SLC27A2: variants seen among roughly 807,000 people sequenced by gnomAD.
SLC27A2 encodes the protein solute carrier family 27 member 2.
In SLC27A2, 54 loss-of-function variants were observed where a neutral mutation model predicts 60.0. The observed-to-expected ratio is 0.90, with a 90% CI of 0.72 to 1.13. SLC27A2 has a LOEUF of 1.13. Among genes scored for constraint, SLC27A2 ranks in the 50% most tolerant of loss-of-function variants. The pLI is 0.00. For missense variants in SLC27A2, 739 were observed against 777.6 expected, an observed-to-expected ratio of 0.95 and a Z score of 0.59; for synonymous variants, 297 against 297.6, an observed-to-expected ratio of 1.00 and a Z score of 0.02.
At position 50,227,055 on chromosome 15, in the gene SLC27A2, C is replaced by T; in HGVS notation, c.1334C>T (p.Thr445Ile). 1 of 1,614,140 alleles carries T rather than the reference C, an allele frequency of 6.2e-7. No individual in the cohort carries two copies. The highest frequency in any genetic ancestry group is 8.5e-7 in the Non-Finnish European group (1 of 1,180,020). ...FNGYAGAKAQ[T>I]EKKKLRDVFK... ...GGCTATGCTGGAGCAAAGGCTCAGACAGAGAAGAAAAAACTGAGAGATGTC... is the reference window on the plus strand; with the variant it reads ...GGCTATGCTGGAGCAAAGGCTCAGATAGAGAAGAAAAAACTGAGAGATGTC... The change falls in exon 7 of 10, where the codon ACA becomes ATA. Residue 445 changes from threonine to isoleucine, a missense_variant. Coordinates refer to ENST00000267842, the MANE Select transcript of SLC27A2 (RefSeq NM_003645.4).
intron 4 of SLC27A2, among the ~76,000 whole-genome samples, chr15:50,221,646 T>C (rs903693777): frequency 2.6e-5 from 4 of 152,122 alleles, no homozygotes; most frequent in African/African-American, 9.7e-5. Flanking sequence ...TAAGAAATAA[T>C]ATAGAAAAAG....
rs776692922 is a variant in SLC27A2, at chr15:50,233,958, A to T, written c.1646A>T (p.Tyr549Phe). The T allele has an allele frequency of 1.9e-6, 3 of 1,612,922 alleles. No homozygotes were observed. Among genetic ancestry groups the T allele is most frequent in the South Asian group, 1.1e-5 (1 of 91,044 alleles). ...GKKLFQHIAD[Y>F]LPSYARPRFL... ...AAACTCTTTCAGCACATTGCTGATT[A>T]CCTACCTAGTTATGCAAGGCCCCGG... is the stretch of plus-strand genomic sequence containing the variant. Residue 549 changes from tyrosine (Y) to phenylalanine (F), a missense_variant, in exon 9 of 10, where the codon TAC (tyrosine) becomes TTC (phenylalanine). Coordinates refer to ENST00000267842, the MANE Select transcript of SLC27A2 (RefSeq NM_003645.4).
chr15:50,183,051 C>T, intron 1 of SLC27A2, 146 bp downstream of exon 1: 1 of 807,436 alleles, frequency 1.2e-6, no homozygotes, highest in Non-Finnish European at 2.0e-6. Flanking sequence ...TTCCTTGAAT[C>T]GCAAATAATG....
intron 1 of SLC27A2, among the ~76,000 whole-genome samples, chr15:50,195,333 AC>A: frequency 1.3e-5 from 2 of 151,242 alleles, no homozygotes; most frequent in African/African-American, 4.9e-5. Flanking sequence ...AAAAACAAAA[AC>A]AAACAAATTA....
In SLC27A2 at chr15:50,183,994, C is replaced by CTTTTTTTTTTTTTTTTTTTTTTTTTTTT. The variant is rs577766814; in HGVS notation, c.478+1107_478+1108insTTTTTTTTTTTTTTTTTTTTTTTTTTTT. Reference sequence around the variant, plus strand: ...TTCGAAGCCATGCTCTTTCCTACATCTTTTTTTTTTTTTTTTTTGACAGTC... The same window carrying CTTTTTTTTTTTTTTTTTTTTTTTTTTTT: ...TTCGAAGCCATGCTCTTTCCTACATCTTTTTTTTTTTTTTTTTTTTTTTTTTTTTTTTTTTTTTTTTTTTTTGACAGTC... On this transcript the variant is annotated intron_variant, in intron 1 of 9. Transcript: ENST00000267842. 3.3e-5 allele frequency among the ~76,000 whole-genome samples: 3 copies of CTTTTTTTTTTTTTTTTTTTTTTTTTTTT among 91,138 alleles called. 1 individual carries two copies. The highest frequency in any genetic ancestry group is 4.2e-5 in the Non-Finnish European group (2 of 47,468). The allele number at this position is 91,138 out of a possible 152,430, so 59.8% of individuals were successfully genotyped here.
intron 1 of SLC27A2, among the ~76,000 whole-genome samples, chr15:50,196,071 AAAAAAAATATATATATAT>A (rs2045016589): frequency 3.8e-5 from 1 of 26,530 alleles, no homozygotes; most frequent in East Asian, 9.3e-4. Context: ...AAAAAAAAAA[AAAAAAAATATATATATAT>A]ATATATATAT....
chr15:50,190,497 G>T (rs982879642), intron 1 of SLC27A2, among the ~76,000 whole-genome samples: 1 of 152,090 alleles, frequency 6.6e-6, no homozygotes, highest in Admixed American at 6.5e-5. Context: ...TTGGAAAGCT[G>T]CAGGTTTAGC....
At chr15:50,189,033 A>G (rs1450751005) in intron 1 of SLC27A2, among the ~76,000 whole-genome samples, 3 of 147,018 alleles carry the variant, frequency 2.0e-5, no homozygotes, top group East Asian at 4.0e-4. Flanking sequence ...ATAGATGCAT[A>G]CAAACATACA....
chr15:50,234,134 T>C (rs1318003051), intron 9 of SLC27A2, 136 bp downstream of exon 9: 5 of 859,980 alleles, frequency 5.8e-6, no homozygotes, highest in Middle Eastern at 2.4e-4. Flanking sequence ...CAGAAAAGTG[T>C]CATAGACCAA....
chr15:50,234,607 A>AAC (rs1403418038), intron 9 of SLC27A2, among the ~76,000 whole-genome samples: 7 of 146,832 alleles, frequency 4.8e-5, no homozygotes, highest in Admixed American at 6.8e-5. Flanking sequence ...AAAAAAAAAA[A>AAC]AATTAGCCAG....
intron 5 of SLC27A2, among the ~76,000 whole-genome samples, chr15:50,224,826 T>C (rs1036971078): frequency 6.6e-6 from 1 of 152,216 alleles, no homozygotes; most frequent in Non-Finnish European, 1.5e-5. Flanking sequence ...AGAGAATATT[T>C]CCATCATCAC....
intron 5 of SLC27A2, 74 bp from the exon 6 acceptor site, chr15:50,225,914 C>G (rs1462082787): frequency 9.6e-6 from 10 of 1,039,124 alleles, no homozygotes; most frequent in African/African-American, 1.6e-5. Flanking sequence ...CTAAGATATA[C>G]TTTGTGTTAT....
chr15:50,188,061 TCAAGGATCTTACAGTC>T (rs2044940348), intron 1 of SLC27A2, among the ~76,000 whole-genome samples: 1 of 151,812 alleles, frequency 6.6e-6, no homozygotes, highest in African/African-American at 2.4e-5. Context: ...ATGAATTAGT[TCAAGGATCTTACAGTC>T]CAGTAAAAGA....
intron 5 of SLC27A2, among the ~76,000 whole-genome samples, chr15:50,224,667 T>A (rs1309128587): frequency 6.6e-6 from 1 of 152,184 alleles, no homozygotes; most frequent in Non-Finnish European, 1.5e-5. Context: ...ACCTGCGCTG[T>A]CCAAACAGTA....
chr15:50,205,275 G>A lies in SLC27A2; in HGVS notation c.884G>A (p.Ser295Asn). ...TLALRTKFSA[S>N]QFWDDCRKYN... ...GCCTTGCGGACTAAATTTTCAGCCA[G>A]CCAGTTTTGGGATGACTGCAGAAAA... Residue 295 changes from serine to asparagine, a missense_variant, in exon 4 of 10, where the codon AGC (serine) becomes AAC (asparagine). Ser to Asn is a conservative substitution (Grantham distance 46). Coordinates refer to ENST00000267842, the MANE Select transcript of SLC27A2 (RefSeq NM_003645.4). 6.2e-7 allele frequency: 1 copy of A among 1,606,940 alleles called. No homozygotes were observed. The highest frequency in any genetic ancestry group is 1.3e-5 in the African/African-American group (1 of 74,900).
chr15:50,216,460 T>C (rs1355062901), intron 4 of SLC27A2, among the ~76,000 whole-genome samples: 1 of 151,762 alleles, frequency 6.6e-6, no homozygotes, highest in Non-Finnish European at 1.5e-5. Context: ...TTACTGGGTA[T>C]CTACCCAGAG....
At chr15:50,187,552 A>G (rs563828820) in intron 1 of SLC27A2, among the ~76,000 whole-genome samples, 6 of 152,174 alleles carry the variant, frequency 3.9e-5, no homozygotes, top group African/African-American at 1.2e-4. Flanking sequence ...GGGTCCCTTC[A>G]TCAGCTCACT....
chr15:50,226,361 G>A (rs1039707033), intron 6 of SLC27A2, among the ~76,000 whole-genome samples: 3 of 152,178 alleles, frequency 2.0e-5, no homozygotes, highest in African/African-American at 4.8e-5. Flanking sequence ...GTTTTAGGTG[G>A]CCTTTACCTT....
In SLC27A2 at chr15:50,202,611, A is replaced by G. The variant is rs555967917; in HGVS notation, c.813A>G (p.Ala271=). The stretch of plus-strand genomic sequence containing the variant: ...CTCTGCCCTTTTACCACAGTGCTGC[A>G]CTACTGATTGGCATTCACGGATGTA... ...YITLPFYHSA[A]LLIGIHGCIV... Residue 271 remains alanine, a synonymous_variant, in exon 3 of 10, where the codon GCA becomes GCG. Coordinates refer to ENST00000267842, the MANE Select transcript of SLC27A2 (RefSeq NM_003645.4). 1.1e-5 allele frequency: 17 copies of G among 1,614,192 alleles called. No individual in the cohort carries two copies. The highest frequency in any genetic ancestry group is 1.0e-4 in the Admixed American group (6 of 60,020).
Sources: gnomAD v4.1 joint callset for allele counts (sites outside exome capture counted in the v4.1 genomes callset) on GRCh38, gnomAD v4.1.1 for gene constraint, MANE v1.5 for transcripts, NCBI Gene and HGNC (gene_info 2026-07-23, HGNC 2026-07-21) for gene names.